LRP1B: variants seen among roughly 807,000 people sequenced by gnomAD.
The protein encoded by LRP1B is LDL receptor related protein 1B.
LRP1B carries 217 observed loss-of-function variants against 556.6 expected under a neutral mutation model. That is an observed-to-expected ratio of 0.39 (90% CI 0.35 to 0.44). LRP1B has a LOEUF of 0.44. LRP1B is among the 20% of genes least tolerant of loss of function. The pLI is 1.00. For missense variants in LRP1B, 5,053 were observed against 5,620.8 expected (o/e 0.90, Z 3.23); for synonymous variants, 2,047 against 1,865.8 (o/e 1.10, Z -2.50).
chr2:141,901,545 G>A (rs1303477546), intron 1 of LRP1B, among the ~76,000 whole-genome samples: 1 of 151,810 alleles, frequency 6.6e-6, no homozygotes, highest in Non-Finnish European at 1.5e-5. Flanking sequence ...ATAATAATTT[G>A]ATCATCACTT....
At chr2:141,089,211 T>C (rs1700119211) in intron 7 of LRP1B, among the ~76,000 whole-genome samples, 1 of 152,214 alleles carries the variant, frequency 6.6e-6, no homozygotes, top group African/African-American at 2.4e-5. Context: ...CAGCGGGCTC[T>C]TATTTCTGGA....
chr2:142,054,832 C>A (rs760511748), intron 1 of LRP1B, among the ~76,000 whole-genome samples: 11 of 151,702 alleles, frequency 7.3e-5, no homozygotes, highest in Non-Finnish European at 1.6e-4. Flanking sequence ...TTTTTTTTCT[C>A]TGAAACCACT....
At chr2:142,066,525 A>T (rs1446173069) in intron 1 of LRP1B, among the ~76,000 whole-genome samples, 1 of 151,408 alleles carries the variant, frequency 6.6e-6, no homozygotes, top group Non-Finnish European at 1.5e-5. Context: ...ATTCCTTATG[A>T]TTCTTCATTA....
chr2:141,499,386 G>A (rs1320059069), intron 2 of LRP1B, among the ~76,000 whole-genome samples: 3 of 152,012 alleles, frequency 2.0e-5, no homozygotes, highest in East Asian at 1.9e-4. Context: ...GCTTCCTTCC[G>A]GTAATACCTA....
At chr2:141,551,903 G>C (rs1685763182) in intron 2 of LRP1B, among the ~76,000 whole-genome samples, 1 of 151,952 alleles carries the variant, frequency 6.6e-6, no homozygotes, top group Non-Finnish European at 1.5e-5. Flanking sequence ...TATGGAATTT[G>C]TGCATTGTAA....
intron 37 of LRP1B, among the ~76,000 whole-genome samples, chr2:140,704,049 T>C (rs1373913396): frequency 6.6e-6 from 1 of 152,204 alleles, no homozygotes; most frequent in Non-Finnish European, 1.5e-5. Context: ...ATGGTAGCTC[T>C]GTTTTAAGTT....
Position 140,536,562 on chromosome 2 carries a change from AC to A in LRP1B, c.7642+18del. 1 of 1,597,276 alleles carries A rather than the reference AC, an allele frequency of 6.3e-7. No individual in the cohort carries two copies. The highest frequency in any genetic ancestry group is 8.5e-7 in the Non-Finnish European group (1 of 1,174,554). ...AGAAAACTTTATCTGAAACGAGCAA[AC>A]CCATATTGGACACTTACCACAGTAG... On this transcript the variant is annotated intron_variant, in intron 46 of 90. Coordinates refer to ENST00000389484, the MANE Select transcript of LRP1B (RefSeq NM_018557.3).
chr2:140,966,260 G>C (rs1285165033), intron 18 of LRP1B, among the ~76,000 whole-genome samples: 2 of 152,222 alleles, frequency 1.3e-5, no homozygotes, highest in Non-Finnish European at 2.9e-5. Flanking sequence ...ACTGGTGTGA[G>C]ATGGTATCTC....
intron 2 of LRP1B, among the ~76,000 whole-genome samples, chr2:141,510,003 A>C (rs1049750302): frequency 6.6e-6 from 1 of 152,126 alleles, no homozygotes; most frequent in Non-Finnish European, 1.5e-5. Context: ...TCAGTAGAAG[A>C]GATAAGGAGA....
At chr2:141,621,295 A>G (rs2105335905) in intron 2 of LRP1B, among the ~76,000 whole-genome samples, 1 of 152,326 alleles carries the variant, frequency 6.6e-6, no homozygotes, top group East Asian at 1.9e-4. Context: ...ATGAGTTTAA[A>G]ACAATTTTCA....
intron 1 of LRP1B, among the ~76,000 whole-genome samples, chr2:142,079,482 T>G (rs1171853249): frequency 7.1e-6 from 1 of 141,734 alleles, no homozygotes; most frequent in Non-Finnish European, 1.5e-5. Context: ...CATCCAATAT[T>G]TTCTTTCTTT....
intron 60 of LRP1B, among the ~76,000 whole-genome samples, chr2:140,474,811 T>C (rs1687902671): frequency 6.6e-6 from 1 of 151,894 alleles, no homozygotes; most frequent in African/African-American, 2.4e-5. Context: ...AGTAATAGCC[T>C]CATATTTACA....
At chr2:141,398,800 C>T (rs1163910804) in intron 3 of LRP1B, among the ~76,000 whole-genome samples, 1 of 152,174 alleles carries the variant, frequency 6.6e-6, no homozygotes, top group African/African-American at 2.4e-5. Flanking sequence ...CTGAAACACC[C>T]CCTCCTTGAG....
chr2:140,969,928 C>T (rs536712399), intron 18 of LRP1B, among the ~76,000 whole-genome samples: 13 of 152,256 alleles, frequency 8.5e-5, no homozygotes, highest in African/African-American at 2.4e-4. Flanking sequence ...GGGTAAAACC[C>T]GACCTTTCTC....
At chr2:141,188,671 T>C (rs548220946) in intron 6 of LRP1B, 88 bp from the exon 7 acceptor site, 18 of 1,146,780 alleles carry the variant, frequency 1.6e-5, no homozygotes, top group South Asian at 2.9e-5. Context: ...CAAACCATCA[T>C]AGAGGACATT....
intron 72 of LRP1B, among the ~76,000 whole-genome samples, chr2:140,364,363 G>A (rs1287766996): frequency 6.6e-6 from 1 of 151,480 alleles, no homozygotes; most frequent in Non-Finnish European, 1.5e-5. Flanking sequence ...ATTATTATAT[G>A]AATCTTATTC....
At chr2:140,795,753 T>TA (rs1468264972) in intron 32 of LRP1B, among the ~76,000 whole-genome samples, 1 of 152,078 alleles carries the variant, frequency 6.6e-6, no homozygotes, top group African/African-American at 2.4e-5. Flanking sequence ...TCTATCTGAT[T>TA]AAGTTCAGTT....
At chr2:141,985,136 C>T (rs775539664) in intron 1 of LRP1B, among the ~76,000 whole-genome samples, 2 of 152,090 alleles carry the variant, frequency 1.3e-5, no homozygotes, top group African/African-American at 2.4e-5. Flanking sequence ...GTATTACAAA[C>T]TCTGGAAAGA....
intron 2 of LRP1B, among the ~76,000 whole-genome samples, chr2:141,719,397 G>A (rs1187106818): frequency 6.6e-6 from 1 of 152,062 alleles, no homozygotes; most frequent in Non-Finnish European, 1.5e-5. Context: ...GCTCAGGTAG[G>A]TCAGTAAATA....
Sources: allele counts gnomAD v4.1 joint callset (sites outside exome capture counted in the v4.1 genomes callset), GRCh38; gene constraint gnomAD v4.1.1; transcripts MANE v1.5; gene names NCBI Gene and HGNC (gene_info 2026-07-23, HGNC 2026-07-21).